SLC16A9: variants seen among roughly 807,000 people sequenced by gnomAD.
SLC16A9 encodes the protein solute carrier family 16 member 9.
Under a neutral mutation model 44.3 loss-of-function variants are expected in SLC16A9, and 26 were observed. The ratio of observed to expected loss-of-function variants is 0.59; its 90% confidence interval spans 0.43 to 0.81. SLC16A9 has a LOEUF of 0.81. Ranked by LOEUF, SLC16A9 falls within the 40% of genes least tolerant of loss-of-function variation. The probability of loss-of-function intolerance (pLI) is 0.00; values close to 1 mark genes in which losing one functional copy is unlikely to be tolerated. For synonymous variants in SLC16A9, 230 were observed against 225.1 expected, an observed-to-expected ratio of 1.02 and a Z score of -0.19; for missense variants, 559 against 595.8, an observed-to-expected ratio of 0.94 and a Z score of 0.64.
At position 59,654,566 on chromosome 10, in the gene SLC16A9, A is replaced by G; in HGVS notation, c.460T>C (p.Tyr154His). The G allele has an allele frequency of 6.3e-7, 1 of 1,591,752 alleles. No individual in the cohort carries two copies. The highest frequency in any genetic ancestry group is 8.5e-7 in the Non-Finnish European group (1 of 1,173,938). The change falls in exon 5 of 6, where the codon TAT becomes CAT. Residue 154 changes from tyrosine (Y) to histidine (H), a missense_variant. Coordinates refer to ENST00000395348, the MANE Select transcript of SLC16A9 (RefSeq NM_194298.3). ...ACCAGCATCCTCTGCAGAGCAGCAT[A>G]TATGAAAAGGCCAACGCTTGAACCT... Reference protein sequence around the residue: ...STGSSVGLFIYAALQRMLVEF... With the variant: ...STGSSVGLFIHAALQRMLVEF...
At chr10:59,665,119 T>G (rs936260023) in intron 3 of SLC16A9, among the ~76,000 whole-genome samples, 6 of 152,206 alleles carry the variant, frequency 3.9e-5, no homozygotes, top group African/African-American at 1.2e-4. Context: ...CCAGATCATC[T>G]CCAAGGCTCT....
chr10:59,700,896 C>A (rs1307364046), intron 1 of SLC16A9, among the ~76,000 whole-genome samples: 1 of 152,160 alleles, frequency 6.6e-6, no homozygotes, highest in Non-Finnish European at 1.5e-5. Context: ...CTTTCGTGAG[C>A]CCACTGCAAG....
At chr10:59,709,305 C>G (rs762620696) in intron 1 of SLC16A9, among the ~76,000 whole-genome samples, 174 bp downstream of exon 1, 2 of 152,302 alleles carry the variant, frequency 1.3e-5, no homozygotes, top group Non-Finnish European at 2.9e-5. Flanking sequence ...GGGGCGGGCG[C>G]ACCGTGGACA....
chr10:59,676,133 T>C (rs954570259), intron 2 of SLC16A9, among the ~76,000 whole-genome samples: 5 of 152,230 alleles, frequency 3.3e-5, no homozygotes, highest in African/African-American at 9.6e-5. Context: ...TATGAACTTA[T>C]GTTAGATGAA....
chr10:59,682,533 A>G (rs1411015153), intron 2 of SLC16A9, among the ~76,000 whole-genome samples: 1 of 152,194 alleles, frequency 6.6e-6, no homozygotes, highest in Non-Finnish European at 1.5e-5. Flanking sequence ...CTCTACTCCA[A>G]CCTGGACAGA....
intron 4 of SLC16A9, among the ~76,000 whole-genome samples, chr10:59,658,435 A>G (rs769724219): frequency 1.6e-4 from 25 of 152,196 alleles, no homozygotes; most frequent in Non-Finnish European, 2.4e-4. Context: ...TCCCCAGTTT[A>G]CAGTTCCAAA....
At chr10:59,673,422 C>G (rs1839795322) in intron 2 of SLC16A9, among the ~76,000 whole-genome samples, 1 of 152,126 alleles carries the variant, frequency 6.6e-6, no homozygotes, top group Non-Finnish European at 1.5e-5. Context: ...AAATTCTTTC[C>G]TACTAGGACT....
chr10:59,696,896 G>A (rs12771895), intron 1 of SLC16A9, among the ~76,000 whole-genome samples: 1 of 144,780 alleles, frequency 6.9e-6, no homozygotes, highest in Non-Finnish European at 1.5e-5. Flanking sequence ...AGTGAGGAGC[G>A]TCTCCGCCCG....
At chr10:59,661,364 CAGAT>C (rs1208829369) in intron 4 of SLC16A9, among the ~76,000 whole-genome samples, 3 of 152,124 alleles carry the variant, frequency 2.0e-5, no homozygotes, top group Non-Finnish European at 4.4e-5. Flanking sequence ...CAATAATAGA[CAGAT>C]AGTCAAATCA....
intron 1 of SLC16A9, among the ~76,000 whole-genome samples, chr10:59,702,817 A>T (rs1448717004): frequency 6.6e-6 from 1 of 152,244 alleles, no homozygotes; most frequent in Admixed American, 6.5e-5. Flanking sequence ...CTACAAGTCA[A>T]ACACTTAATT....
Position 59,684,196 on chromosome 10 carries a change from A to G in SLC16A9, c.96T>C (p.Ala32=), listed in dbSNP as rs779119537. The G allele has an allele frequency of 8.1e-6, 13 of 1,614,006 alleles. No individual in the cohort carries two copies. In the African/African-American group the frequency reaches 1.7e-4, roughly 22 times the overall value. Reference sequence around the variant, plus strand: ...GCCATTCTATGTACAGGACTCCAACAGCTAGTGGGGATCCGTAACACAAAA... The same window carrying G: ...GCCATTCTATGTACAGGACTCCAACGGCTAGTGGGGATCCGTAACACAAAA... ...TQFLCYGSPL[A]VGVLYIEWLD... is the part of the protein sequence containing the mutation. Residue 32 remains alanine (A), a synonymous_variant, in exon 2 of 6, where the codon GCT becomes GCC. Coordinates refer to ENST00000395348, the MANE Select transcript of SLC16A9 (RefSeq NM_194298.3).
Position 59,672,924 on chromosome 10 carries a change from A to G in SLC16A9, c.197-11T>C, listed in dbSNP as rs1839785690. 1 of 1,596,278 alleles carries G rather than the reference A, an allele frequency of 6.3e-7. No individual in the cohort carries two copies. The highest frequency in any genetic ancestry group is 8.5e-7 in the Non-Finnish European group (1 of 1,174,950). On this transcript the variant is annotated splice_polypyrimidine_tract_variant and intron_variant, in intron 2 of 5. Coordinates refer to ENST00000395348, the MANE Select transcript of SLC16A9 (RefSeq NM_194298.3). ...GACTGCAGACAGGACCTAAAAAAAG[A>G]AATGAAACCTTCACTTATTATCATA...
At chr10:59,654,682 G>A (rs770049784) in intron 4 of SLC16A9, 93 bp from the exon 5 acceptor site, 1 of 956,052 alleles carries the variant, frequency 1.0e-6, no homozygotes, top group Non-Finnish European at 1.5e-6. Context: ...TTTTATACTG[G>A]CATTTATATG....
chr10:59,652,751 A>C lies in SLC16A9; in HGVS notation c.*21T>G, dbSNP rs200154786. The C allele has an allele frequency of 2.1e-5, 34 of 1,587,660 alleles. 1 individual carries two copies. The highest frequency in any genetic ancestry group is 1.6e-5 in the Non-Finnish European group (19 of 1,169,810). ...TGCTATATGGTATAAAATAGCAAAA[A>C]TAGTGTCTTCCAATATTCTTCTAAA... On this transcript the variant is annotated 3_prime_UTR_variant, in exon 6 of 6. Coordinates refer to ENST00000395348, the MANE Select transcript of SLC16A9 (RefSeq NM_194298.3).
At position 59,656,650 on chromosome 10, in the gene SLC16A9, CA is replaced by C. The variant is rs149105575; in HGVS notation, c.437-2062del. Among the ~76,000 whole-genome samples, 514 of 152,178 alleles carry C rather than the reference CA, an allele frequency of 3.4e-3. 5 individuals carry two copies. The highest frequency in any genetic ancestry group is 0.012 in the African/African-American group (483 of 41,500). On this transcript the variant is annotated intron_variant, in intron 4 of 5. Coordinates refer to ENST00000395348, the MANE Select transcript of SLC16A9 (RefSeq NM_194298.3). ...TTTCCTGGTGGAATTTTGTAAACTG[CA>C]AAACTGTGATTGTTAAAAATTTTAA...
chr10:59,669,120 A>G (rs535163626), intron 3 of SLC16A9, among the ~76,000 whole-genome samples: 1 of 152,338 alleles, frequency 6.6e-6, no homozygotes, highest in African/African-American at 2.4e-5. Flanking sequence ...TCAGCTAGCT[A>G]AATAACAATA....
chr10:59,673,039 A>AT, intron 2 of SLC16A9, 126 bp from the exon 3 acceptor site: 1 of 806,422 alleles, frequency 1.2e-6, no homozygotes, highest in Non-Finnish European at 1.9e-6. Flanking sequence ...TGCAGACACT[A>AT]TATGAGGCAG....
At chr10:59,685,401 C>A (rs1349474438) in intron 1 of SLC16A9, among the ~76,000 whole-genome samples, 2 of 152,204 alleles carry the variant, frequency 1.3e-5, no homozygotes, top group African/African-American at 4.8e-5. Context: ...GTAACCAATG[C>A]ATCTTGTTTC....
chr10:59,653,096 A>G (rs1439048999), intron 5 of SLC16A9, 146 bp from the exon 6 acceptor site: 6 of 576,840 alleles, frequency 1.0e-5, no homozygotes, highest in Non-Finnish European at 1.4e-5. Context: ...GGGAGTTAGA[A>G]GAAGAGAATC....
Sources: gnomAD v4.1 joint callset for allele counts (sites outside exome capture counted in the v4.1 genomes callset) on GRCh38, gnomAD v4.1.1 for gene constraint, MANE v1.5 for transcripts, NCBI Gene and HGNC (gene_info 2026-07-23, HGNC 2026-07-21) for gene names.